The following ADGRL2 variants were observed in gnomAD, a reference collection of about 807,000 sequenced individuals.
ADGRL2 encodes the protein adhesion G protein-coupled receptor L2.
Under a neutral mutation model 157.4 loss-of-function variants are expected in ADGRL2, and 44 were observed. The ratio of observed to expected loss-of-function variants is 0.28; its 90% CI spans 0.22 to 0.36. The LOEUF is 0.36. ADGRL2 is among the 10% of genes least tolerant of loss of function. The pLI, the probability that ADGRL2 is intolerant of heterozygous loss-of-function variation, is 1.00. For missense variants in ADGRL2, 1,510 were observed against 1,768.9 expected, an observed-to-expected ratio of 0.85 and a Z score of 2.63; for synonymous variants, 585 against 624.7, an observed-to-expected ratio of 0.94 and a Z score of 0.95.
chr1:81,891,889 G>T (rs139550533), intron 2 of ADGRL2, among the ~76,000 whole-genome samples: 1 of 151,788 alleles, frequency 6.6e-6, no homozygotes, highest in African/African-American at 2.4e-5. Flanking sequence ...AATTATTAAC[G>T]CATTTATGTT....
chr1:81,320,961 T>C (rs562127460), intron 1 of ADGRL2, among the ~76,000 whole-genome samples: 1 of 152,350 alleles, frequency 6.6e-6, no homozygotes, highest in African/African-American at 2.4e-5. Context: ...AAGTCCTAGA[T>C]GGCATCTGTT....
chr1:81,476,841 C>A (rs1308902593), intron 2 of ADGRL2, among the ~76,000 whole-genome samples: 1 of 151,992 alleles, frequency 6.6e-6, no homozygotes, highest in African/African-American at 2.4e-5. Context: ...CAGATTCTGT[C>A]CTCAGATTCG....
chr1:81,987,354 T>C (rs554205278), intron 22 of ADGRL2: 402 of 1,419,448 alleles, frequency 2.8e-4, no homozygotes, highest in Non-Finnish European at 3.9e-4. Flanking sequence ...ATCCTATCTA[T>C]ATAATATACT....
Position 81,348,411 on chromosome 1 carries a change from G to A in ADGRL2, c.-302+41902G>A, listed in dbSNP as rs142343110. ...TTTGACAGTAGCCTTTCTCCTTCCCGTCTGCTTCACTTCTCTGACCAAAAA... is the reference window on the plus strand; with the variant it reads ...TTTGACAGTAGCCTTTCTCCTTCCCATCTGCTTCACTTCTCTGACCAAAAA... On this transcript the variant is annotated intron_variant, in intron 1 of 24. Transcript: ENST00000370721. 5.4e-3 allele frequency among the ~76,000 whole-genome samples: 822 copies of A among 152,134 alleles called. 8 individuals carry two copies. The highest frequency in any genetic ancestry group is 0.019 in the African/African-American group (769 of 41,492).
intron 2 of ADGRL2, among the ~76,000 whole-genome samples, chr1:81,879,283 G>GAA (rs34149027): frequency 4.7e-5 from 7 of 149,908 alleles, no homozygotes; most frequent in East Asian, 3.9e-4. Context: ...GCAAGCTCAG[G>GAA]AAAAAAAAAA....
At chr1:81,877,946 A>C (rs1180018840) in intron 2 of ADGRL2, among the ~76,000 whole-genome samples, 2 of 152,144 alleles carry the variant, frequency 1.3e-5, no homozygotes, top group African/African-American at 4.8e-5. Flanking sequence ...ATCTCTGTAA[A>C]TCATGTTTAC....
At chr1:81,382,967 C>T (rs925410661) in intron 1 of ADGRL2, among the ~76,000 whole-genome samples, 10 of 152,308 alleles carry the variant, frequency 6.6e-5, no homozygotes, top group African/African-American at 2.4e-4. Context: ...GTATGCCTAG[C>T]ATTTACAATT....
chr1:81,791,520 G>T (rs560770576), intron 2 of ADGRL2, among the ~76,000 whole-genome samples: 1 of 152,190 alleles, frequency 6.6e-6, no homozygotes, highest in East Asian at 1.9e-4. Context: ...CTGTTGATAG[G>T]AGGGGTAACA....
intron 1 of ADGRL2, chr1:81,427,133 G>A (rs2077231652): frequency 2.3e-6 from 3 of 1,327,726 alleles, no homozygotes; most frequent in Non-Finnish European, 3.2e-6. Context: ...AGATTGTGGA[G>A]GTGGATCCGG....
intron 2 of ADGRL2, among the ~76,000 whole-genome samples, chr1:81,466,595 C>T (rs1416011473): frequency 6.6e-6 from 1 of 152,134 alleles, no homozygotes; most frequent in Non-Finnish European, 1.5e-5. Flanking sequence ...AACCTAGCAA[C>T]TACCTACATT....
intron 2 of ADGRL2, among the ~76,000 whole-genome samples, chr1:81,549,566 C>T (rs2080095220): frequency 6.6e-6 from 1 of 152,162 alleles, no homozygotes; most frequent in Non-Finnish European, 1.5e-5. Flanking sequence ...TCAATACTCT[C>T]ATTAGATAAA....
rs765974402 is a variant in ADGRL2, at chr1:81,990,376, C to T, written c.3656-15C>T. Reference sequence around the variant, plus strand: ...AACAGAGACAGTAATGATAACTCCCCCTCTTCTGTTTCAGGACATTCACTG... The same window carrying T: ...AACAGAGACAGTAATGATAACTCCCTCTCTTCTGTTTCAGGACATTCACTG... On this transcript the variant is annotated splice_polypyrimidine_tract_variant and intron_variant, in intron 23 of 23. Coordinates refer to ENST00000686636, the MANE Select transcript of ADGRL2 (RefSeq NM_001366006.2). 9.3e-6 allele frequency: 15 copies of T among 1,606,368 alleles called. No homozygotes were observed. The Admixed American group carries it at 2.2e-4, about 23-fold the overall frequency.
chr1:81,412,158 A>G (rs1346529498), intron 1 of ADGRL2, among the ~76,000 whole-genome samples: 3 of 152,206 alleles, frequency 2.0e-5, no homozygotes, highest in Non-Finnish European at 2.9e-5. Context: ...TGATGCAGAG[A>G]AAAGTTGAGT....
chr1:81,325,229 T>C (rs1234769865), intron 1 of ADGRL2, among the ~76,000 whole-genome samples: 1 of 152,174 alleles, frequency 6.6e-6, no homozygotes, highest in East Asian at 1.9e-4. Context: ...ACGAAAGAAC[T>C]GTTTTTAAAA....
intron 2 of ADGRL2, among the ~76,000 whole-genome samples, chr1:81,773,222 G>C (rs1365428060): frequency 6.6e-6 from 1 of 152,170 alleles, no homozygotes; most frequent in African/African-American, 2.4e-5. Context: ...ACTTCCTAGG[G>C]ATCCATGAAC....
At chr1:81,840,930 A>T (rs1340509829) in intron 2 of ADGRL2, among the ~76,000 whole-genome samples, 2 of 152,242 alleles carry the variant, frequency 1.3e-5, no homozygotes, top group East Asian at 3.9e-4. Flanking sequence ...TAAGCATAGT[A>T]CCCACTGTGG....
chr1:81,445,559 C>T (rs4614302), intron 2 of ADGRL2, among the ~76,000 whole-genome samples: 1,922 of 152,232 alleles, frequency 0.013, 30 homozygotes, highest in East Asian at 0.041. Context: ...GCTGAAGGGA[C>T]TTAGAGAGGA....
chr1:81,375,677 C>A (rs747455846), intron 1 of ADGRL2, among the ~76,000 whole-genome samples: 11 of 152,128 alleles, frequency 7.2e-5, no homozygotes, highest in Non-Finnish European at 1.3e-4. Context: ...TTGGAATCAT[C>A]TTATATTATT....
intron 2 of ADGRL2, among the ~76,000 whole-genome samples, chr1:81,876,165 A>T (rs1205997903): frequency 6.6e-6 from 1 of 152,182 alleles, no homozygotes; most frequent in East Asian, 1.9e-4. Context: ...ACTTTATATG[A>T]AATAAATACA....
Sources: gnomAD v4.1 joint callset for allele counts (sites outside exome capture counted in the v4.1 genomes callset) on GRCh38, gnomAD v4.1.1 for gene constraint, MANE v1.5 for transcripts, NCBI Gene and HGNC (gene_info 2026-07-23, HGNC 2026-07-21) for gene names.